The following TAF3 variants were observed in gnomAD, a reference collection of about 807,000 sequenced individuals.
TAF3 encodes the protein TATA-box binding protein associated factor 3.
Under a neutral mutation model 80.6 loss-of-function variants are expected in TAF3, and 7 were observed. That is an observed-to-expected ratio of 0.09 (90% CI 0.05 to 0.16). The LOEUF is 0.16. TAF3 is among the 10% of genes least tolerant of loss of function. TAF3 has a pLI of 1.00. For missense variants in TAF3, 921 were observed against 1,140.2 expected, an observed-to-expected ratio of 0.81 and a Z score of 2.77; for synonymous variants, 444 against 446.1, an observed-to-expected ratio of 1.00 and a Z score of 0.06.
chr10:7,997,658 A>G (rs1166685513), intron 4 of TAF3, among the ~76,000 whole-genome samples: 1 of 152,192 alleles, frequency 6.6e-6, no homozygotes, highest in Non-Finnish European at 1.5e-5. Context: ...AAATCCTCCA[A>G]AAGCTGTAAT....
At chr10:7,913,566 A>G (rs983895610) in intron 2 of TAF3, among the ~76,000 whole-genome samples, 5 of 152,206 alleles carry the variant, frequency 3.3e-5, no homozygotes, top group African/African-American at 9.7e-5. Context: ...TCACCACCCA[A>G]TCTGGCAAAC....
intron 2 of TAF3, among the ~76,000 whole-genome samples, chr10:7,888,450 A>G (rs934496610): frequency 6.6e-6 from 1 of 152,208 alleles, no homozygotes; most frequent in Non-Finnish European, 1.5e-5. Flanking sequence ...ATACATTTAA[A>G]CATTGACACC....
At chr10:7,871,616 G>T (rs1448301365) in intron 2 of TAF3, among the ~76,000 whole-genome samples, 2 of 151,612 alleles carry the variant, frequency 1.3e-5, no homozygotes, top group Non-Finnish European at 2.9e-5. Context: ...GCTAATTTTT[G>T]TATTTTTAGT....
chr10:7,868,868 C>T (rs1837239629), intron 2 of TAF3, among the ~76,000 whole-genome samples: 1 of 152,164 alleles, frequency 6.6e-6, no homozygotes, highest in Non-Finnish European at 1.5e-5. Context: ...GAAAAACATA[C>T]TTAGAGAACT....
At chr10:7,872,213 ATTTTTTT>A (rs34945620) in intron 2 of TAF3, among the ~76,000 whole-genome samples, 2 of 121,972 alleles carry the variant, frequency 1.6e-5, no homozygotes, top group South Asian at 2.6e-4. Flanking sequence ...TGTTGGGTTG[ATTTTTTT>A]TTTTTTTTTT....
Position 8,003,127 on chromosome 10 carries a change from G to A in TAF3, c.2316-5951G>A, listed in dbSNP as rs892742558. Among the ~76,000 whole-genome samples, 6 of 152,034 alleles carry A rather than the reference G, an allele frequency of 3.9e-5. No homozygotes were observed. The East Asian group carries it at 1.2e-3, about 29-fold the overall frequency. The stretch of plus-strand genomic sequence containing the variant: ...CAACTGAATCACTTAGACCTTTTAT[G>A]TGATATAATCATTGATATTTTGAGT... On this transcript the variant is annotated intron_variant, in intron 4 of 6. Coordinates refer to ENST00000344293, the MANE Select transcript of TAF3 (RefSeq NM_031923.4).
chr10:7,978,066 G>C (rs1464951614), intron 4 of TAF3, among the ~76,000 whole-genome samples: 2 of 151,144 alleles, frequency 1.3e-5, no homozygotes, highest in Non-Finnish European at 2.9e-5. Context: ...CATTCCCCTT[G>C]TTCTAAAAGC....
chr10:7,944,992 A>G (rs1451038386), intron 2 of TAF3, among the ~76,000 whole-genome samples: 1 of 152,244 alleles, frequency 6.6e-6, no homozygotes, highest in Non-Finnish European at 1.5e-5. Context: ...CTACCTAGAA[A>G]TATGGGCAGC....
chr10:7,956,891 A>T (rs745430142), intron 2 of TAF3, among the ~76,000 whole-genome samples: 17 of 152,170 alleles, frequency 1.1e-4, no homozygotes, highest in Non-Finnish European at 2.4e-4. Flanking sequence ...TTTTTTGAAA[A>T]TAGGTATTAC....
At chr10:7,892,057 A>G (rs1837461010) in intron 2 of TAF3, among the ~76,000 whole-genome samples, 1 of 152,222 alleles carries the variant, frequency 6.6e-6, no homozygotes, top group Non-Finnish European at 1.5e-5. Flanking sequence ...TTCAAAACCC[A>G]GATGTTTAAT....
At position 7,818,765 on chromosome 10, in the gene TAF3, A is replaced by G; in HGVS notation, c.56A>G (p.Gln19Arg). ...AGGGTCTCGGTGGCGCAGATCTGCCAGGCGCTGGGCTGGGACTCGGTGCAG... is the reference window on the plus strand; with the variant it reads ...AGGGTCTCGGTGGCGCAGATCTGCCGGGCGCTGGGCTGGGACTCGGTGCAG... ...LLRVSVAQICQALGWDSVQLS... is the reference protein window; with the variant it reads ...LLRVSVAQICRALGWDSVQLS... The change falls in exon 1 of 7, where the codon CAG becomes CGG. Residue 19 changes from glutamine (Q) to arginine (R), a missense_variant. Transcript: ENST00000344293. 1 of 1,557,368 alleles carries G rather than the reference A, an allele frequency of 6.4e-7. No homozygotes were observed. The highest frequency in any genetic ancestry group is 1.6e-5 in the African/African-American group (1 of 63,798).
intron 2 of TAF3, among the ~76,000 whole-genome samples, chr10:7,931,523 T>A (rs1303109251): frequency 6.6e-6 from 1 of 152,204 alleles, no homozygotes; most frequent in Admixed American, 6.5e-5. Flanking sequence ...CAGGGACAGA[T>A]TCTCAATATT....
chr10:7,892,476 T>C (rs1226566770), intron 2 of TAF3, among the ~76,000 whole-genome samples: 1 of 152,254 alleles, frequency 6.6e-6, no homozygotes, highest in Non-Finnish European at 1.5e-5. Flanking sequence ...GCTGGGTTGC[T>C]CTAGTTTTTC....
chr10:7,979,087 G>A (rs983447306), intron 4 of TAF3, among the ~76,000 whole-genome samples: 1 of 151,986 alleles, frequency 6.6e-6, no homozygotes, highest in African/African-American at 2.4e-5. Flanking sequence ...GCTCACGCCT[G>A]TAATCCCAGC....
At chr10:7,995,338 C>T (rs1223842769) in intron 4 of TAF3, among the ~76,000 whole-genome samples, 1 of 152,150 alleles carries the variant, frequency 6.6e-6, no homozygotes, top group Admixed American at 6.5e-5. Flanking sequence ...GACCATTTAC[C>T]TAACTCCAAA....
At chr10:7,867,097 A>G (rs1837221613) in intron 2 of TAF3, among the ~76,000 whole-genome samples, 1 of 152,082 alleles carries the variant, frequency 6.6e-6, no homozygotes, top group Non-Finnish European at 1.5e-5. Context: ...CATCTGCACT[A>G]AAAATACAAA....
At chr10:7,836,462 C>T (rs1248684221) in intron 2 of TAF3, among the ~76,000 whole-genome samples, 4 of 152,016 alleles carry the variant, frequency 2.6e-5, no homozygotes, top group East Asian at 1.9e-4. Flanking sequence ...TCAGTAGAGA[C>T]GGGGTTTCTC....
chr10:7,961,086 G>A (rs1838184908), intron 2 of TAF3, among the ~76,000 whole-genome samples: 1 of 152,204 alleles, frequency 6.6e-6, no homozygotes, highest in African/African-American at 2.4e-5. Context: ...TGCACTGGAG[G>A]CCGAGACTAG....
chr10:7,881,490 AAC>A (rs3039468), intron 2 of TAF3, among the ~76,000 whole-genome samples: 45,209 of 148,348 alleles, frequency 0.3, 7,736 homozygotes, highest in Non-Finnish European at 0.38. Flanking sequence ...CATACACACA[AAC>A]ACACACACAC....
Sources: allele counts gnomAD v4.1 joint callset (sites outside exome capture counted in the v4.1 genomes callset), GRCh38; gene constraint gnomAD v4.1.1; transcripts MANE v1.5; gene names NCBI Gene and HGNC (gene_info 2026-07-23, HGNC 2026-07-21).